NKAIN3: variants seen among roughly 807,000 people sequenced by gnomAD.
The protein encoded by NKAIN3 is sodium/potassium-transporting ATPase subunit beta-1-interacting protein 3.
A neutral mutation model predicts 30.2 loss-of-function variants in NKAIN3; 25 were observed. That is an observed-to-expected ratio of 0.83 (90% CI 0.60 to 1.16). The LOEUF is 1.16. Ranked by LOEUF, NKAIN3 falls within the 50% of genes most tolerant of loss-of-function variation. The probability of loss-of-function intolerance (pLI) is 0.00; values close to 1 mark genes in which losing one functional copy is unlikely to be tolerated. For synonymous variants in NKAIN3, 91 were observed against 89.6 expected, an observed-to-expected ratio of 1.02 and a Z score of -0.09; for missense variants, 225 against 254.1, an observed-to-expected ratio of 0.89 and a Z score of 0.78.
intron 3 of NKAIN3, among the ~76,000 whole-genome samples, chr8:62,732,618 T>C (rs1815509381): frequency 6.6e-6 from 1 of 152,128 alleles, no homozygotes; most frequent in Admixed American, 6.5e-5. Flanking sequence ...TTTTGTTTCA[T>C]CTGACAAATA....
intron 4 of NKAIN3, among the ~76,000 whole-genome samples, chr8:62,876,733 T>G (rs191290227): frequency 7.2e-5 from 11 of 152,076 alleles, no homozygotes; most frequent in Admixed American, 5.2e-4. Context: ...AAACACCCCA[T>G]GTTCTCACTC....
At chr8:62,639,546 G>T (rs1007347901) in intron 3 of NKAIN3, among the ~76,000 whole-genome samples, 1 of 152,110 alleles carries the variant, frequency 6.6e-6, no homozygotes, top group Admixed American at 6.5e-5. Context: ...TTTACACGGA[G>T]TTTTTGGTTT....
chr8:62,810,967 G>A (rs528180982), intron 4 of NKAIN3, among the ~76,000 whole-genome samples: 7 of 152,076 alleles, frequency 4.6e-5, no homozygotes, highest in African/African-American at 7.2e-5. Context: ...GGATATTGAC[G>A]TTATTGCAGC....
At chr8:62,852,074 C>A (rs1005299636) in intron 4 of NKAIN3, among the ~76,000 whole-genome samples, 1 of 152,162 alleles carries the variant, frequency 6.6e-6, no homozygotes, top group Non-Finnish European at 1.5e-5. Flanking sequence ...AGCTGTGAAT[C>A]CATCTGGTCC....
chr8:62,961,252 C>A (rs1045977215), intron 6 of NKAIN3, among the ~76,000 whole-genome samples: 4 of 151,840 alleles, frequency 2.6e-5, no homozygotes, highest in African/African-American at 9.7e-5. Flanking sequence ...TGCACTCCAG[C>A]CTAGGTGACA....
chr8:62,339,137 C>T (rs1475245246), intron 1 of NKAIN3, among the ~76,000 whole-genome samples: 1 of 151,940 alleles, frequency 6.6e-6, no homozygotes, highest in Non-Finnish European at 1.5e-5. Flanking sequence ...AAACATAATG[C>T]AGAAGCTCTG....
At chr8:62,834,736 TA>T (rs1222590300) in intron 4 of NKAIN3, among the ~76,000 whole-genome samples, 2 of 151,938 alleles carry the variant, frequency 1.3e-5, no homozygotes, top group Non-Finnish European at 2.9e-5. Context: ...AGAATCAACA[TA>T]AATAAAAAGA....
At chr8:62,912,395 T>C (rs1563624446) in intron 4 of NKAIN3, among the ~76,000 whole-genome samples, 5 of 152,162 alleles carry the variant, frequency 3.3e-5, no homozygotes, top group South Asian at 2.1e-4. Flanking sequence ...CTACATTTAA[T>C]TTTTAAATTT....
chr8:62,869,117 G>A (rs1399592380), intron 4 of NKAIN3, among the ~76,000 whole-genome samples: 2 of 152,114 alleles, frequency 1.3e-5, no homozygotes, highest in African/African-American at 2.4e-5. Flanking sequence ...GAAAAGAAAT[G>A]GTGATTCTAA....
At chr8:62,918,295 G>T (rs1324130845) in intron 4 of NKAIN3, among the ~76,000 whole-genome samples, 158 bp from the exon 5 acceptor site, 2 of 152,096 alleles carry the variant, frequency 1.3e-5, no homozygotes, top group Non-Finnish European at 2.9e-5. Flanking sequence ...GAAATGAAAA[G>T]GCTCTTTTAA....
intron 3 of NKAIN3, among the ~76,000 whole-genome samples, chr8:62,640,559 G>C (rs1319341480): frequency 6.6e-6 from 1 of 152,110 alleles, no homozygotes; most frequent in African/African-American, 2.4e-5. Context: ...TGAACTTTCA[G>C]ATTGAAGACT....
intron 1 of NKAIN3, among the ~76,000 whole-genome samples, chr8:62,417,983 C>A (rs773369294): frequency 1.3e-5 from 2 of 152,108 alleles, no homozygotes; most frequent in Non-Finnish European, 2.9e-5. Flanking sequence ...CCAATGAGAT[C>A]AAATTCTATT....
rs1052039483 is a variant in NKAIN3 at position 62,507,676 on chromosome 8, A to G, written c.55-71863A>G. Among the ~76,000 whole-genome samples the G allele has an allele frequency of 1.1e-4, 16 of 152,322 alleles. No homozygotes were observed. The East Asian group carries it at 1.2e-3, about 11-fold the overall frequency. On this transcript the variant is annotated intron_variant, in intron 1 of 6. Transcript: ENST00000623646. ...GTATCCCAGAATAGATAAAGAAGCC[A>G]TGATTTATATGACTCTCTTTTCCTT...
chr8:62,919,181 T>C (rs1186903753), intron 5 of NKAIN3, among the ~76,000 whole-genome samples: 1 of 149,612 alleles, frequency 6.7e-6, no homozygotes, highest in Non-Finnish European at 1.5e-5. Context: ...AGACACTTCT[T>C]GGCACAACTC....
At chr8:62,914,004 A>G (rs1198940736) in intron 4 of NKAIN3, among the ~76,000 whole-genome samples, 2 of 152,164 alleles carry the variant, frequency 1.3e-5, no homozygotes, top group African/African-American at 4.8e-5. Flanking sequence ...TATATACCCA[A>G]AGGAATATAA....
chr8:62,723,617 T>C (rs755421039), intron 3 of NKAIN3, among the ~76,000 whole-genome samples: 9 of 152,142 alleles, frequency 5.9e-5, no homozygotes, highest in Non-Finnish European at 8.8e-5. Flanking sequence ...AAAAATTACC[T>C]GTAGCTGAAT....
chr8:62,515,012 C>T (rs1180887294), intron 1 of NKAIN3, among the ~76,000 whole-genome samples: 1 of 151,962 alleles, frequency 6.6e-6, no homozygotes, highest in East Asian at 1.9e-4. Flanking sequence ...TCATTTTCTC[C>T]CCCAGTCCTC....
At chr8:62,712,112 T>G (rs1330496215) in intron 3 of NKAIN3, among the ~76,000 whole-genome samples, 1 of 152,156 alleles carries the variant, frequency 6.6e-6, no homozygotes, top group East Asian at 1.9e-4. Flanking sequence ...TTCTCAGCCA[T>G]GGATACCAGT....
chr8:62,941,569 T>G (rs1266682772), intron 5 of NKAIN3, among the ~76,000 whole-genome samples: 1 of 152,088 alleles, frequency 6.6e-6, no homozygotes, highest in African/African-American at 2.4e-5. Context: ...CATAATCAAG[T>G]GGGTTTCATA....
Sources: gnomAD v4.1 joint callset for allele counts (sites outside exome capture counted in the v4.1 genomes callset) on GRCh38, gnomAD v4.1.1 for gene constraint, MANE v1.5 for transcripts, NCBI Gene and HGNC (gene_info 2026-07-23, HGNC 2026-07-21) for gene names.